The following LBR variants were observed in gnomAD, a reference collection of about 807,000 sequenced individuals.
LBR encodes delta(14)-sterol reductase LBR.
A neutral mutation model predicts 74.3 loss-of-function variants in LBR; 28 were observed. That is an observed-to-expected ratio of 0.38 (90% CI 0.28 to 0.52). The LOEUF (loss-of-function observed/expected upper bound fraction) is 0.52. LBR is among the 20% of genes least tolerant of loss of function. The probability of loss-of-function intolerance (pLI) is 0.89; values close to 1 mark genes in which losing one functional copy is unlikely to be tolerated. For synonymous variants in LBR, 228 were observed against 269.3 expected (o/e 0.85, Z 1.50); for missense variants, 717 against 760.3 (o/e 0.94, Z 0.67).
chr1:225,403,600 A>C (rs549794042), intron 13 of LBR, 137 bp from the exon 14 acceptor site: 33 of 698,542 alleles, frequency 4.7e-5, no homozygotes, highest in African/African-American at 7.2e-5. Context: ...GAATAATTAA[A>C]CAAGTCTGTA....
intron 10 of LBR, among the ~76,000 whole-genome samples, chr1:225,408,239 T>C (rs563834635): frequency 1.3e-5 from 2 of 152,344 alleles, no homozygotes; most frequent in East Asian, 1.9e-4. Context: ...TTTATACTTC[T>C]ATGACATCAA....
In LBR at chr1:225,419,270, T is replaced by C; in HGVS notation, c.633A>G (p.Gly211=). The C allele has an allele frequency of 6.2e-7, 1 of 1,614,112 alleles. No individual in the cohort carries two copies. Among genetic ancestry groups the C allele is most frequent in the East Asian group, 2.2e-5 (1 of 44,872 alleles). ...PIRAKDLEFG[G]VPGVFLIMFG... is the part of the protein sequence containing the mutation. ...CCCAGCTCTGAGGCCTACCAGGTAC[T>C]CCTCCAAACTCCAAGTCCTTTGCCC... The change falls in exon 5 of 14, where the codon GGA becomes GGG. Residue 211 remains glycine (G), a synonymous_variant. Transcript: ENST00000272163.
intron 1 of LBR, among the ~76,000 whole-genome samples, chr1:225,426,560 G>C (rs769614943): frequency 6.6e-6 from 1 of 152,098 alleles, no homozygotes; most frequent in Non-Finnish European, 1.5e-5. Flanking sequence ...TTCCAGCTCC[G>C]GTATGTTACT....
At chr1:225,411,971 A>G (rs944024187) in intron 8 of LBR, among the ~76,000 whole-genome samples, 1 of 152,054 alleles carries the variant, frequency 6.6e-6, no homozygotes. Flanking sequence ...CACCACGCCC[A>G]GCTGATTTTT....
chr1:225,417,382 T>C (rs962908272), intron 6 of LBR, among the ~76,000 whole-genome samples: 7 of 152,138 alleles, frequency 4.6e-5, no homozygotes, highest in African/African-American at 1.7e-4. Context: ...AGGATTCTAC[T>C]GAAAGAAGAA....
In LBR at chr1:225,417,964, C is replaced by G; in HGVS notation, c.837+20G>C. On this transcript the variant is annotated intron_variant, in intron 6 of 13. Coordinates refer to ENST00000272163, the MANE Select transcript of LBR (RefSeq NM_002296.4). ...GAGACCTCATCTTATTAAAACAAAA[C>G]AGAATTACCATAAACGTACCTTTCC... 1 of 1,610,632 alleles carries G rather than the reference C, an allele frequency of 6.2e-7. No individual in the cohort carries two copies.
At chr1:225,408,323 C>T (rs1411011781) in intron 10 of LBR, among the ~76,000 whole-genome samples, 1 of 152,212 alleles carries the variant, frequency 6.6e-6, no homozygotes, top group Non-Finnish European at 1.5e-5. Flanking sequence ...TCTTATTCTT[C>T]TCTCTCAAGG....
intron 9 of LBR, among the ~76,000 whole-genome samples, chr1:225,411,090 CATAAAT>C (rs1178260299): frequency 2.0e-5 from 3 of 152,156 alleles, no homozygotes; most frequent in Non-Finnish European, 4.4e-5. Flanking sequence ...CACTTTCCTA[CATAAAT>C]ATAAACTGAT....
intron 7 of LBR, chr1:225,414,119 G>C (rs187101184): frequency 4.4e-5 from 20 of 456,736 alleles, no homozygotes; most frequent in African/African-American, 3.0e-4. Context: ...CATCAGCAAA[G>C]AATTTGGTAA....
intron 5 of LBR, 27 bp from the exon 6 acceptor site, chr1:225,418,207 G>T: frequency 6.3e-7 from 1 of 1,596,972 alleles, no homozygotes; most frequent in Non-Finnish European, 8.6e-7. Context: ...AACATTCGAG[G>T]CTCAAATTTC....
In LBR at chr1:225,403,386, A is replaced by G; in HGVS notation, c.1765T>C (p.Tyr589His). The stretch of plus-strand genomic sequence containing the variant: ...ACGCCGTATTTCTTCTTACAGTGGT[A>G]CTCGTCACGAGCTTCTCGGTGGACA... Reference protein sequence around the residue: ...LLVHREARDEYHCKKKYGVAW... With the variant: ...LLVHREARDEHHCKKKYGVAW... Residue 589 changes from tyrosine (Y) to histidine (H), a missense_variant, in exon 14 of 14, where the codon TAC becomes CAC. Tyr to His is a moderately conservative substitution (Grantham distance 83). Transcript: ENST00000272163. 6.2e-7 allele frequency: 1 copy of G among 1,613,246 alleles called. No individual in the cohort carries two copies. The highest frequency in any genetic ancestry group is 8.5e-7 in the Non-Finnish European group (1 of 1,179,612).
intron 3 of LBR, among the ~76,000 whole-genome samples, chr1:225,421,425 G>A (rs536184034): frequency 1.7e-4 from 26 of 152,338 alleles, no homozygotes; most frequent in African/African-American, 4.1e-4. Context: ...CCCAGGAGGC[G>A]GAGCTTGCAG....
rs201103298 is a variant in LBR, at chr1:225,403,287, A to G, written c.*16T>C. On this transcript the variant is annotated 3_prime_UTR_variant, in exon 14 of 14. Coordinates refer to ENST00000272163, the MANE Select transcript of LBR (RefSeq NM_002296.4). The stretch of plus-strand genomic sequence containing the variant: ...CTGGAATTGCAGGAGTATTTTGTAG[A>G]AAAGCCAGAAGAGCATTAGTAGATG... The G allele has an allele frequency of 5.0e-6, 8 of 1,613,060 alleles. No individual in the cohort carries two copies. The African/African-American group carries it at 5.3e-5, about 11-fold the overall frequency.
Position 225,412,462 on chromosome 1 carries a change from G to A in LBR, c.1076C>T (p.Ala359Val). 1 of 1,613,954 alleles carries A rather than the reference G, an allele frequency of 6.2e-7. No individual in the cohort carries two copies. Among genetic ancestry groups the A allele is most frequent in the Non-Finnish European group, 8.5e-7 (1 of 1,179,948 alleles). ...AATTCATCACTGCTCACCAGAGCTG[G>A]CAGGCGACAGGTCATTCCGGGGCGC... ...LKAPRNDLSP[A>V]SSGNAVYDFF... Residue 359 changes from alanine to valine, a missense_variant, in exon 8 of 14, where the codon GCC becomes GTC. By Grantham distance (64) the Ala-to-Val change is moderately conservative. Coordinates refer to ENST00000272163, the MANE Select transcript of LBR (RefSeq NM_002296.4).
upstream of LBR, chr1:225,428,090 C>G (rs1272370005): frequency 6.6e-6 from 1 of 152,082 alleles, no homozygotes; most frequent in Non-Finnish European, 1.5e-5. Context: ...CGCGCGCCTC[C>G]CCGGCCCCGC....
chr1:225,426,847 G>C (rs1216427964), intron 1 of LBR, among the ~76,000 whole-genome samples: 1 of 152,148 alleles, frequency 6.6e-6, no homozygotes, highest in Non-Finnish European at 1.5e-5. Context: ...AAACATCCTT[G>C]GGCAGCTCAT....
intron 11 of LBR, among the ~76,000 whole-genome samples, chr1:225,406,024 G>A (rs1229046979): frequency 6.6e-6 from 1 of 152,086 alleles, no homozygotes; most frequent in South Asian, 2.1e-4. Flanking sequence ...CTGGTGGACC[G>A]CAGCTGCAGC....
At chr1:225,427,116 C>T (rs2096141024) in intron 1 of LBR, among the ~76,000 whole-genome samples, 1 of 152,126 alleles carries the variant, frequency 6.6e-6, no homozygotes, top group African/African-American at 2.4e-5. Context: ...ACCACGGTAT[C>T]TACCGCGCCC....
intron 11 of LBR, 88 bp from the exon 12 acceptor site, chr1:225,404,794 C>A (rs912750539): frequency 2.0e-6 from 2 of 1,012,604 alleles, no homozygotes; most frequent in Non-Finnish European, 3.0e-6. Context: ...AAAATGATTT[C>A]TATGCTCTGA....
Sources: allele counts gnomAD v4.1 joint callset (sites outside exome capture counted in the v4.1 genomes callset), GRCh38; gene constraint gnomAD v4.1.1; transcripts MANE v1.5; gene names NCBI Gene and HGNC (gene_info 2026-07-23, HGNC 2026-07-21).